Variants in PIGK observed in about 807,000 individuals in gnomAD.
PIGK encodes GPI-anchor transamidase.
PIGK carries 42 observed loss-of-function variants against 50.6 expected under a neutral mutation model. The ratio of observed to expected loss-of-function variants is 0.83; its 90% CI spans 0.65 to 1.07. The LOEUF is 1.07. PIGK is among the 50% of genes least tolerant of loss of function. The pLI is 0.00. For synonymous variants in PIGK, 151 were observed against 156.0 expected (o/e 0.97, Z 0.24); for missense variants, 448 against 488.7 (o/e 0.92, Z 0.78).
intron 9 of PIGK, among the ~76,000 whole-genome samples, chr1:77,143,376 C>T (rs1654699073): frequency 6.6e-6 from 1 of 151,984 alleles, no homozygotes; most frequent in African/African-American, 2.4e-5. Context: ...AAAGCCTACA[C>T]TTACATATAG....
At chr1:77,191,425 A>G (rs1463200972) in intron 3 of PIGK, among the ~76,000 whole-genome samples, 1 of 152,220 alleles carries the variant, frequency 6.6e-6, no homozygotes, top group Non-Finnish European at 1.5e-5. Context: ...TACTATAATA[A>G]AAGTATTTTG....
chr1:77,163,841 AT>A lies in PIGK; in HGVS notation c.584+4del. The A allele has an allele frequency of 6.5e-7, 1 of 1,541,304 alleles. No individual in the cohort carries two copies. The highest frequency in any genetic ancestry group is 8.9e-7 in the Non-Finnish European group (1 of 1,117,458). On this transcript the variant is annotated splice_donor_region_variant and intron_variant, in intron 6 of 10. Coordinates refer to ENST00000370812, the MANE Select transcript of PIGK (RefSeq NM_005482.3). The stretch of plus-strand genomic sequence containing the variant: ...GCTTATGAAAAGAAGTAATTTGCTA[AT>A]TACCGTCTTTTCTGCCACATTTGTT...
At chr1:77,193,148 A>C (rs1319449978) in intron 3 of PIGK, among the ~76,000 whole-genome samples, 1 of 152,166 alleles carries the variant, frequency 6.6e-6, no homozygotes, top group East Asian at 1.9e-4. Context: ...TCTTTTCACA[A>C]ATGTTAATTT....
At chr1:77,189,623 G>T (rs1004550031) in intron 3 of PIGK, among the ~76,000 whole-genome samples, 1 of 149,128 alleles carries the variant, frequency 6.7e-6, no homozygotes, top group African/African-American at 2.5e-5. Context: ...ACTTGGACTG[G>T]TTCTCCTTGC....
At position 77,166,832 on chromosome 1, in the gene PIGK, T is replaced by C. The variant is rs977732752; in HGVS notation, c.376-2A>G. 2 of 1,406,850 alleles carry C rather than the reference T, an allele frequency of 1.4e-6. No individual in the cohort carries two copies. The highest frequency in any genetic ancestry group is 2.0e-6 in the Non-Finnish European group (2 of 1,006,768). The allele number at this position is 1,406,850 out of a possible 1,614,324, so 87.1% of individuals were successfully genotyped here. ...CCGTAAAAAATTCTCCACAGTTACC[T>C]AAGGGGGAAAAAACAAGAAAAATCA... On this transcript the variant is annotated splice_acceptor_variant, in intron 4 of 10. Transcript: ENST00000370812. LOFTEE classifies it high-confidence loss of function.
chr1:77,197,036 A>T (rs1184877674), intron 3 of PIGK, among the ~76,000 whole-genome samples: 2 of 152,178 alleles, frequency 1.3e-5, no homozygotes, highest in African/African-American at 2.4e-5. Flanking sequence ...ACACTCTCAC[A>T]GTAATAATAA....
At chr1:77,183,936 C>A (rs569339434) in intron 3 of PIGK, among the ~76,000 whole-genome samples, 1 of 152,092 alleles carries the variant, frequency 6.6e-6, no homozygotes, top group South Asian at 2.1e-4. Context: ...CAATGCCTTG[C>A]GAAATAGATT....
At chr1:77,107,573 G>C (rs927106417) in intron 10 of PIGK, among the ~76,000 whole-genome samples, 1 of 152,150 alleles carries the variant, frequency 6.6e-6, no homozygotes, top group Non-Finnish European at 1.5e-5. Context: ...TTGTTGATTT[G>C]GGGTGGAGAG....
intron 3 of PIGK, among the ~76,000 whole-genome samples, chr1:77,176,037 T>C (rs1438656988): frequency 6.6e-6 from 1 of 152,062 alleles, no homozygotes. Flanking sequence ...TTGAATAAAC[T>C]AGGAAAAAAA....
chr1:77,158,226 A>G (rs1655057011), intron 8 of PIGK, among the ~76,000 whole-genome samples: 1 of 152,070 alleles, frequency 6.6e-6, no homozygotes, highest in African/African-American at 2.4e-5. Context: ...CATGTTGGCC[A>G]GGCTGGTCTA....
At chr1:77,110,296 T>C (rs903268137) in intron 10 of PIGK, among the ~76,000 whole-genome samples, 2 of 152,058 alleles carry the variant, frequency 1.3e-5, no homozygotes, top group African/African-American at 2.4e-5. Flanking sequence ...GAGCCCGCAT[T>C]GCCAAGTCAA....
At chr1:77,113,872 A>G (rs566089908) in intron 10 of PIGK, among the ~76,000 whole-genome samples, 3 of 152,150 alleles carry the variant, frequency 2.0e-5, no homozygotes, top group South Asian at 4.1e-4. Flanking sequence ...ACTCTCCCCT[A>G]TCATTTTTTG....
intron 3 of PIGK, among the ~76,000 whole-genome samples, chr1:77,205,980 A>C (rs956526962): frequency 6.6e-6 from 1 of 152,160 alleles, no homozygotes; most frequent in Non-Finnish European, 1.5e-5. Context: ...CAGCACAGAC[A>C]TGGGTGCTGA....
At chr1:77,206,511 C>CA (rs1219911681) in intron 3 of PIGK, 129 bp downstream of exon 3, 5 of 598,566 alleles carry the variant, frequency 8.4e-6, no homozygotes, top group South Asian at 2.2e-5. Context: ...CTAATGAGAA[C>CA]AAAAAATCTT....
intron 10 of PIGK, among the ~76,000 whole-genome samples, chr1:77,096,204 T>C (rs1378624214): frequency 6.6e-6 from 1 of 152,080 alleles, no homozygotes; most frequent in Non-Finnish European, 1.5e-5. Flanking sequence ...AACAGCAAAA[T>C]TAAAATCCAC....
intron 3 of PIGK, among the ~76,000 whole-genome samples, chr1:77,185,921 TG>T (rs960773356): frequency 6.6e-6 from 1 of 152,232 alleles, no homozygotes; most frequent in African/African-American, 2.4e-5. Context: ...TACTGGGCTT[TG>T]GTGGAAACTG....
intron 3 of PIGK, among the ~76,000 whole-genome samples, chr1:77,173,761 C>T (rs1381411255): frequency 6.6e-6 from 1 of 152,194 alleles, no homozygotes; most frequent in Non-Finnish European, 1.5e-5. Flanking sequence ...ACCCCATAAG[C>T]TCACTATTAA....
At chr1:77,131,248 A>G (rs1243055045) in intron 9 of PIGK, among the ~76,000 whole-genome samples, 1 of 151,720 alleles carries the variant, frequency 6.6e-6, no homozygotes, top group Non-Finnish European at 1.5e-5. Context: ...AATATATACT[A>G]TTGATTTCCA....
At chr1:77,139,732 A>C (rs1362291895) in intron 9 of PIGK, among the ~76,000 whole-genome samples, 1 of 152,212 alleles carries the variant, frequency 6.6e-6, no homozygotes, top group Non-Finnish European at 1.5e-5. Flanking sequence ...CTTTCTTGGC[A>C]GCTCAGCTAA....
Sources: allele counts gnomAD v4.1 joint callset (sites outside exome capture counted in the v4.1 genomes callset), GRCh38; gene constraint gnomAD v4.1.1; transcripts MANE v1.5; gene names NCBI Gene and HGNC (gene_info 2026-07-23, HGNC 2026-07-21).